The following VAV2 variants were observed in gnomAD, a reference collection of about 807,000 sequenced individuals.
The protein encoded by VAV2 is vav guanine nucleotide exchange factor 2, also known as guanine nucleotide exchange factor VAV2.
A neutral mutation model predicts 132.5 loss-of-function variants in VAV2; 67 were observed. That is an observed-to-expected ratio of 0.51 (90% CI 0.42 to 0.62). The LOEUF (loss-of-function observed/expected upper bound fraction) is 0.62. Ranked by LOEUF, VAV2 falls within the 20% of genes least tolerant of loss-of-function variation. The pLI is 0.00. For missense variants in VAV2, 938 were observed against 1,153.6 expected (o/e 0.81, Z 2.71); for synonymous variants, 492 against 443.5 (o/e 1.11, Z -1.37).
intron 4 of VAV2, among the ~76,000 whole-genome samples, chr9:133,815,882 G>A (rs987690476): frequency 9.2e-5 from 14 of 152,142 alleles, no homozygotes; most frequent in African/African-American, 3.4e-4. Flanking sequence ...CTGGTCAAAG[G>A]GGAGGTCTAG....
In VAV2 at chr9:133,788,803, G is replaced by A. The variant is rs1212386916; in HGVS notation, c.1275-317C>T. On this transcript the variant is annotated intron_variant, in intron 14 of 29. Coordinates refer to ENST00000371850, the MANE Select transcript of VAV2 (RefSeq NM_001134398.2). The surrounding 1 kb of genome is among the most constrained non-coding windows in gnomAD (Gnocchi z 5.3). ...CCGACGGCTACTCCCAGTTGATCCCGCGCTGGACTGGGAGCCTCAAGAGGG... is the reference window on the plus strand; with the variant it reads ...CCGACGGCTACTCCCAGTTGATCCCACGCTGGACTGGGAGCCTCAAGAGGG... Among the ~76,000 whole-genome samples, 4 of 152,150 alleles carry A rather than the reference G, an allele frequency of 2.6e-5. No individual in the cohort carries two copies. Among genetic ancestry groups the A allele is most frequent in the South Asian group, 2.1e-4 (1 of 4,820 alleles).
intron 2 of VAV2, among the ~76,000 whole-genome samples, chr9:133,915,683 GCACACGTGCACACACAATGCA>G (rs1840051489): frequency 7.0e-6 from 1 of 142,650 alleles, no homozygotes; most frequent in Non-Finnish European, 1.5e-5. Context: ...CACACACAAT[GCACACGTGCACACACAATGCA>G]CAGACGCACA....
intron 2 of VAV2, among the ~76,000 whole-genome samples, chr9:133,870,231 T>C (rs114057547): frequency 6.6e-6 from 1 of 152,094 alleles, no homozygotes; most frequent in Non-Finnish European, 1.5e-5. Flanking sequence ...CCAACATCAA[T>C]ATCAGAAGTT....
At chr9:133,982,258 A>G (rs1303867487) in intron 1 of VAV2, among the ~76,000 whole-genome samples, 1 of 145,972 alleles carries the variant, frequency 6.9e-6, no homozygotes, top group African/African-American at 2.7e-5. Flanking sequence ...GAGACTCGGC[A>G]GGGGCGACGG....
At position 133,918,270 on chromosome 9, in the gene VAV2, C is replaced by T. The variant is rs147541939; in HGVS notation, c.321+20833G>A. ...TAGAAACTATTTTTAAACAAAGGAGCGCACTCTCTGCGGCGGCAGAAAAGC... is the reference window on the plus strand; with the variant it reads ...TAGAAACTATTTTTAAACAAAGGAGTGCACTCTCTGCGGCGGCAGAAAAGC... On this transcript the variant is annotated intron_variant, in intron 2 of 29. Coordinates refer to ENST00000371850, the MANE Select transcript of VAV2 (RefSeq NM_001134398.2). This position sits in a 1 kb window ranked among gnomAD's most constrained non-coding sequence, Gnocchi z 4.7. Among the ~76,000 whole-genome samples the T allele has an allele frequency of 1.2e-3, 190 of 152,258 alleles. 2 individuals are homozygous for T. Among genetic ancestry groups the T allele is most frequent in the East Asian group, 9.7e-4 (5 of 5,172 alleles).
rs2131747159 is a variant in VAV2 at position 133,826,418 on chromosome 9, G to A, written c.449+7854C>T. Reference sequence around the variant, plus strand: ...TGCTCCTGCTCAGATGCTCTCTGGGGAGAAGCCAGGAGGACACGCGGTTCC... The same window carrying A: ...TGCTCCTGCTCAGATGCTCTCTGGGAAGAAGCCAGGAGGACACGCGGTTCC... On this transcript the variant is annotated intron_variant, in intron 4 of 29. Coordinates refer to ENST00000371850, the MANE Select transcript of VAV2 (RefSeq NM_001134398.2). This position sits in a 1 kb window ranked among gnomAD's most constrained non-coding sequence, Gnocchi z 4.2. 6.6e-6 allele frequency among the ~76,000 whole-genome samples: 1 copy of A among 152,338 alleles called. No homozygotes were observed. The highest frequency in any genetic ancestry group is 2.1e-4 in the South Asian group (1 of 4,830).
rs1291536814 is a variant in VAV2, at chr9:133,789,240, A to C, written c.1274+18T>G. On this transcript the variant is annotated intron_variant, in intron 14 of 29. Coordinates refer to ENST00000371850, the MANE Select transcript of VAV2 (RefSeq NM_001134398.2). The stretch of plus-strand genomic sequence containing the variant: ...CCTGGCGGGACGCCACCCAGCCCAC[A>C]ACACGCGCCCTGCTCACCTGTCCTG... 10 of 1,613,200 alleles carry C rather than the reference A, an allele frequency of 6.2e-6. No individual in the cohort carries two copies. Among genetic ancestry groups the C allele is most frequent in the Non-Finnish European group, 6.8e-6 (8 of 1,179,584 alleles).
intron 3 of VAV2, among the ~76,000 whole-genome samples, chr9:133,839,161 G>A (rs1836616382): frequency 6.7e-6 from 1 of 149,230 alleles, no homozygotes; most frequent in South Asian, 2.1e-4. Flanking sequence ...GGGTGGATGA[G>A]TGGTAGATGG....
At position 133,812,128 on chromosome 9, in the gene VAV2, C is replaced by A; in HGVS notation, c.538G>T (p.Val180Leu). ...DIYEDIIKVE[V>L]QQPMIRYMQK... is the part of the protein sequence containing the mutation. The stretch of plus-strand genomic sequence containing the variant: ...GCAGGGCTCACCATGGGCTGCTGCA[C>A]CTCCACCTTGATGATGTCCTCGTAG... The change falls in exon 5 of 30, where the codon GTG (valine) becomes TTG (leucine). Residue 180 changes from valine (V) to leucine (L), a missense_variant. By Grantham distance (32) the Val-to-Leu change is conservative (BLOSUM62 1). Transcript: ENST00000371850. 1 of 1,613,950 alleles carries A rather than the reference C, an allele frequency of 6.2e-7. No individual in the cohort carries two copies. Among genetic ancestry groups the A allele is most frequent in the Non-Finnish European group, 8.5e-7 (1 of 1,180,002 alleles).
chr9:133,818,344 T>A (rs561334533), intron 4 of VAV2, among the ~76,000 whole-genome samples: 16 of 139,436 alleles, frequency 1.1e-4, no homozygotes, highest in East Asian at 4.1e-4. Flanking sequence ...CCAGCCTGGG[T>A]GACAAAGCAA....
Position 133,862,319 on chromosome 9 carries a change from C to T in VAV2, c.322-887G>A, listed in dbSNP as rs181590178. ...AATACGGGGAACCCGCGGTGGGGGA[C>T]AGGGAGCTGGCTGGCCCAGGGGCAC... is the stretch of plus-strand genomic sequence containing the variant. On this transcript the variant is annotated intron_variant, in intron 2 of 29. Coordinates refer to ENST00000371850, the MANE Select transcript of VAV2 (RefSeq NM_001134398.2). Among the ~76,000 whole-genome samples, 943 of 152,348 alleles carry T rather than the reference C, an allele frequency of 6.2e-3. 35 individuals are homozygous for T. The highest frequency in any genetic ancestry group is 0.052 in the Admixed American group (802 of 15,306).
intron 4 of VAV2, among the ~76,000 whole-genome samples, chr9:133,832,466 C>T (rs539149957): frequency 6.6e-6 from 1 of 152,352 alleles, no homozygotes; most frequent in African/African-American, 2.4e-5. Context: ...CTCTCTGAGC[C>T]TCAGTTTCCT....
intron 29 of VAV2, among the ~76,000 whole-genome samples, chr9:133,764,717 A>G (rs545834629): frequency 1.5e-3 from 232 of 152,338 alleles, no homozygotes; most frequent in Admixed American, 3.3e-3. Context: ...AAAACCAGAG[A>G]GAAAAAAGGA....
At chr9:133,819,665 T>C (rs1835709868) in intron 4 of VAV2, among the ~76,000 whole-genome samples, 2 of 152,202 alleles carry the variant, frequency 1.3e-5, no homozygotes, top group Admixed American at 1.3e-4. Context: ...TACCGGGCCC[T>C]CCTTGTGGAG....
intron 4 of VAV2, among the ~76,000 whole-genome samples, chr9:133,814,796 C>T (rs1158885060): frequency 3.9e-5 from 6 of 152,134 alleles, no homozygotes; most frequent in African/African-American, 1.4e-4. Context: ...TTGCTGACGA[C>T]ATGCAACGTC....
In VAV2 at chr9:133,807,252, C is replaced by G. The variant is rs114046743; in HGVS notation, c.735+6G>C. 2,654 of 1,609,576 alleles carry G rather than the reference C, an allele frequency of 1.6e-3. 32 individuals carry two copies. The African/African-American group carries it at 0.031, about 19-fold the overall frequency. On this transcript the variant is annotated splice_donor_region_variant and intron_variant, in intron 8 of 29. Coordinates refer to ENST00000371850, the MANE Select transcript of VAV2 (RefSeq NM_001134398.2). ...TGGCATGAGCGATGGGGGCCGGGAC[C>G]CTTACCTCCAGGTTAATGAAGACAG...
rs1043114991 is a variant in VAV2 at position 133,991,380 on chromosome 9, G to T, written c.204+695C>A. 6.6e-6 allele frequency among the ~76,000 whole-genome samples: 1 copy of T among 152,194 alleles called. No individual in the cohort carries two copies. The highest frequency in any genetic ancestry group is 2.1e-4 in the South Asian group (1 of 4,830). ...CACGCGTGCCTCCGCCGCGACAAAG[G>T]CCACACTCAGCGCCCGAAGGAGGGG... On this transcript the variant is annotated intron_variant, in intron 1 of 29. Transcript: ENST00000371850. The surrounding 1 kb of genome is among the most constrained non-coding windows in gnomAD (Gnocchi z 4.8).
intron 1 of VAV2, among the ~76,000 whole-genome samples, chr9:133,974,345 C>A (rs1239735288): frequency 6.6e-6 from 1 of 152,194 alleles, no homozygotes; most frequent in East Asian, 1.9e-4. Flanking sequence ...CCCAGAACGG[C>A]CCACAGTGCC....
In VAV2 at chr9:133,788,425, G is replaced by GCT. The variant is rs1834321313; in HGVS notation, c.1334_1335dup (p.Leu446SerfsTer13). The GCT allele has an allele frequency of 6.2e-7, 1 of 1,612,460 alleles. No homozygotes were observed. The highest frequency in any genetic ancestry group is 8.5e-7 in the Non-Finnish European group (1 of 1,178,740). ...AACAGCAGCTCGATGATCTCCTTGA[G>GCT]CTCGTAGCTGTAGCCCTTCCGCTTG... On this transcript the variant is annotated frameshift_variant, in exon 15 of 30. Coordinates refer to ENST00000371850, the MANE Select transcript of VAV2 (RefSeq NM_001134398.2). LOFTEE classifies it high-confidence loss of function. This position sits in a 1 kb window ranked among gnomAD's most constrained non-coding sequence, Gnocchi z 5.3.
Sources: allele counts gnomAD v4.1 joint callset (sites outside exome capture counted in the v4.1 genomes callset), GRCh38; gene constraint gnomAD v4.1.1; non-coding constraint Gnocchi (gnomAD v3.1); transcripts MANE v1.5; gene names NCBI Gene and HGNC (gene_info 2026-07-23, HGNC 2026-07-21).